Variants in FAF1 observed in about 807,000 individuals in gnomAD.
The protein encoded by FAF1 is FAS-associated factor 1.
Under a neutral mutation model 92.5 loss-of-function variants are expected in FAF1, and 25 were observed. That is an observed-to-expected ratio of 0.27 (90% CI 0.20 to 0.38). FAF1 has a LOEUF of 0.38. Among genes scored for constraint, FAF1 ranks in the 10% least tolerant of loss-of-function variants. The pLI, the probability that FAF1 is intolerant of heterozygous loss-of-function variation, is 1.00. For missense variants in FAF1, 636 were observed against 793.3 expected (o/e 0.80, Z 2.38); for synonymous variants, 234 against 273.2 (o/e 0.86, Z 1.42).
At chr1:50,567,260 T>C in intron 12 of FAF1, 29 bp from the exon 13 acceptor site, 2 of 1,540,526 alleles carry the variant, frequency 1.3e-6, no homozygotes, top group Non-Finnish European at 1.8e-6. Context: ...TCTGATCAAT[T>C]AAAATATCCA....
intron 2 of FAF1, among the ~76,000 whole-genome samples, chr1:50,819,638 T>TCTCACTCACACA (rs1553142956): frequency 3.1e-5 from 3 of 97,822 alleles, no homozygotes; most frequent in African/African-American, 1.3e-4. Context: ...ACTGACTCAC[T>TCTCACTCACACA]CACACACACA....
chr1:50,858,814 T>A (rs2124667210), intron 1 of FAF1, among the ~76,000 whole-genome samples: 1 of 151,978 alleles, frequency 6.6e-6, no homozygotes, highest in South Asian at 2.1e-4. Flanking sequence ...ACTAGCAGGA[T>A]GCCATTTTTA....
intron 1 of FAF1, among the ~76,000 whole-genome samples, chr1:50,951,237 C>T (rs371553609): frequency 3.3e-5 from 5 of 152,150 alleles, no homozygotes; most frequent in East Asian, 3.9e-4. Context: ...CTGTCTCAAA[C>T]GAACAAACAA....
intron 8 of FAF1, among the ~76,000 whole-genome samples, chr1:50,617,578 T>G (rs1174065348): frequency 1.3e-5 from 2 of 152,098 alleles, no homozygotes; most frequent in African/African-American, 2.4e-5. Context: ...TTTTGCATCT[T>G]TGTTCATCAG....
intron 4 of FAF1, among the ~76,000 whole-genome samples, chr1:50,749,510 G>A (rs1473103779): frequency 2.6e-5 from 4 of 152,154 alleles, no homozygotes; most frequent in African/African-American, 9.7e-5. Flanking sequence ...ACTCTCTATT[G>A]CAAGGTGGCT....
intron 1 of FAF1, among the ~76,000 whole-genome samples, chr1:50,913,647 TG>T (rs1461079335): frequency 2.0e-5 from 3 of 152,186 alleles, no homozygotes; most frequent in African/African-American, 7.2e-5. Context: ...TATGTCTTAA[TG>T]AGTTTCTAAC....
chr1:50,836,108 T>G (rs918469503), intron 2 of FAF1, among the ~76,000 whole-genome samples: 7 of 151,708 alleles, frequency 4.6e-5, no homozygotes, highest in Non-Finnish European at 1.5e-5. Flanking sequence ...TGTACATAAA[T>G]ACTCTCTCTG....
At chr1:50,446,990 C>CTTTTTTTTTTTTTTTTTTTTTTTTTGAG (rs1572746894) in intron 18 of FAF1, among the ~76,000 whole-genome samples, 1 of 151,230 alleles carries the variant, frequency 6.6e-6, no homozygotes, top group East Asian at 1.9e-4. Context: ...TAATAATTTT[C>CTTTTTTTTTTTTTTTTTTTTTTTTTGAG]ATAGTAACTC....
At chr1:50,900,830 T>G (rs1644790496) in intron 1 of FAF1, among the ~76,000 whole-genome samples, 1 of 152,164 alleles carries the variant, frequency 6.6e-6, no homozygotes, top group South Asian at 2.1e-4. Context: ...GTAAATTCTA[T>G]TTATGTGTGT....
chr1:50,714,701 T>C (rs764296454), intron 6 of FAF1, among the ~76,000 whole-genome samples: 17 of 152,200 alleles, frequency 1.1e-4, no homozygotes, highest in Non-Finnish European at 2.4e-4. Flanking sequence ...CCCCCAAGAA[T>C]GGCTTGGGTT....
chr1:50,798,015 T>C (rs1447208062), intron 3 of FAF1, among the ~76,000 whole-genome samples: 1 of 152,030 alleles, frequency 6.6e-6, no homozygotes, highest in Non-Finnish European at 1.5e-5. Context: ...TCTGCACTTG[T>C]TTATTATTTC....
chr1:50,446,765 T>C (rs1646231944), intron 18 of FAF1, among the ~76,000 whole-genome samples: 1 of 152,184 alleles, frequency 6.6e-6, no homozygotes, highest in African/African-American at 2.4e-5. Flanking sequence ...AATATTTCAC[T>C]TTTAGAAAAA....
At chr1:50,946,893 C>T (rs1025798866) in intron 1 of FAF1, among the ~76,000 whole-genome samples, 2 of 152,152 alleles carry the variant, frequency 1.3e-5, no homozygotes, top group African/African-American at 4.8e-5. Flanking sequence ...TCCCTTCACC[C>T]AAGAGGGAGA....
rs1553132882 is a variant in FAF1 at position 50,729,034 on chromosome 1, CTATATA to C, written c.551+9823_551+9828del. 7.9e-5 allele frequency among the ~76,000 whole-genome samples: 7 copies of C among 88,088 alleles called. 1 individual carries two copies. Among genetic ancestry groups the C allele is most frequent in the African/African-American group, 2.9e-4 (6 of 20,414 alleles). The allele number at this position is 88,088 out of a possible 152,430, so 57.8% of individuals were successfully genotyped here. On this transcript the variant is annotated intron_variant, in intron 6 of 18. Transcript: ENST00000396153. ...TCTATCTATCTATCTATCTATCTAT[CTATATA>C]TATATATATATATATATATTTTTTT...
At chr1:50,700,100 C>T (rs1657400455) in intron 7 of FAF1, among the ~76,000 whole-genome samples, 1 of 151,976 alleles carries the variant, frequency 6.6e-6, no homozygotes. Flanking sequence ...ACTTGAAAAA[C>T]TCAAATGATA....
In FAF1 at chr1:50,958,792, T is replaced by G. The variant is rs565774164; in HGVS notation, c.45+975A>C. On this transcript the variant is annotated intron_variant, in intron 1 of 18. Coordinates refer to ENST00000396153, the MANE Select transcript of FAF1 (RefSeq NM_007051.3). ...AAAAATACTGCCTACTAAGCTAGTG[T>G]TAGAACCTGTGCAATGTGAGTATTA... Among the ~76,000 whole-genome samples, 5 of 152,322 alleles carry G rather than the reference T, an allele frequency of 3.3e-5. No individual in the cohort carries two copies. In the South Asian group the frequency reaches 1.0e-3, roughly 32 times the overall value.
intron 1 of FAF1, among the ~76,000 whole-genome samples, chr1:50,956,386 T>G (rs913018362): frequency 6.6e-6 from 1 of 152,214 alleles, no homozygotes; most frequent in Non-Finnish European, 1.5e-5. Flanking sequence ...ACAAAAATCC[T>G]TCTCAAAGGT....
rs906261152 is a variant in FAF1 at position 50,960,070 on chromosome 1, A to C, written c.-259T>G. The stretch of plus-strand genomic sequence containing the variant: ...CCGCGTCGCAGCAGCCCGGACAGGA[A>C]GATTGGTCTGGATGTGGGTCCGGTC... On this transcript the variant is annotated 5_prime_UTR_variant, in exon 1 of 19. Transcript: ENST00000396153. 3.1e-5 allele frequency: 12 copies of C among 392,892 alleles called. No homozygotes were observed. Among genetic ancestry groups the C allele is most frequent in the Non-Finnish European group, 4.5e-5 (10 of 222,466 alleles). The allele number at this position is 392,892 out of a possible 1,614,324, so 24.3% of individuals were successfully genotyped here.
intron 13 of FAF1, among the ~76,000 whole-genome samples, chr1:50,551,771 T>C (rs1160340989): frequency 6.6e-6 from 1 of 152,196 alleles, no homozygotes; most frequent in Non-Finnish European, 1.5e-5. Flanking sequence ...GACAATTCAT[T>C]TGTCATCAGG....
Sources: allele counts gnomAD v4.1 joint callset (sites outside exome capture counted in the v4.1 genomes callset), GRCh38; gene constraint gnomAD v4.1.1; transcripts MANE v1.5; gene names NCBI Gene and HGNC (gene_info 2026-07-23, HGNC 2026-07-21).